DCC: variants seen among roughly 807,000 people sequenced by gnomAD.
DCC encodes the protein DCC netrin 1 receptor.
A neutral mutation model predicts 172.5 loss-of-function variants in DCC; 58 were observed. The observed-to-expected ratio is 0.34, with a 90% CI of 0.27 to 0.42. The LOEUF (loss-of-function observed/expected upper bound fraction) is 0.42, where lower values mean the gene tolerates loss of function less well. Ranked by LOEUF, DCC falls within the 10% of genes least tolerant of loss-of-function variation. The pLI, the probability that DCC is intolerant of heterozygous loss-of-function variation, is 1.00. For missense variants in DCC, 1,740 were observed against 1,791.0 expected, an observed-to-expected ratio of 0.97 and a Z score of 0.51; for synonymous variants, 709 against 644.5, an observed-to-expected ratio of 1.10 and a Z score of -1.52.
intron 14 of DCC, among the ~76,000 whole-genome samples, chr18:53,331,322 C>T (rs2057527911): frequency 1.3e-5 from 2 of 152,192 alleles, no homozygotes; most frequent in Admixed American, 6.5e-5. Flanking sequence ...TAGCATACCA[C>T]TTGGCAAGGA....
At chr18:52,782,880 A>G (rs1359394928) in intron 2 of DCC, among the ~76,000 whole-genome samples, 1 of 152,030 alleles carries the variant, frequency 6.6e-6, no homozygotes, top group Non-Finnish European at 1.5e-5. Flanking sequence ...AAAATCTGAC[A>G]CTCTACCTAG....
At chr18:52,756,022 G>T (rs1380827728) in intron 2 of DCC, among the ~76,000 whole-genome samples, 1 of 152,192 alleles carries the variant, frequency 6.6e-6, no homozygotes, top group Non-Finnish European at 1.5e-5. Context: ...TTTCTTAAAA[G>T]TTGCAAAGTA....
chr18:52,796,610 A>T (rs113760958), intron 2 of DCC, among the ~76,000 whole-genome samples: 6,562 of 152,178 alleles, frequency 0.043, 219 homozygotes, highest in South Asian at 0.16. Flanking sequence ...GCTAAAAGGT[A>T]CTTGTTTTAT....
chr18:52,709,213 G>A (rs1055128430), intron 1 of DCC, among the ~76,000 whole-genome samples: 1 of 152,002 alleles, frequency 6.6e-6, no homozygotes. Flanking sequence ...ATATATGCTG[G>A]GACTATTAAA....
rs377308701 is a variant in DCC, at chr18:52,504,276, C to T, written c.91+163398C>T. ...TTGACAGATGTATTCTCTGGTTCTA[C>T]TTTTAGCATCATGGAGGCCTTGAGT... On this transcript the variant is annotated intron_variant, in intron 1 of 28. Coordinates refer to ENST00000442544, the MANE Select transcript of DCC (RefSeq NM_005215.4). 1.2e-4 allele frequency among the ~76,000 whole-genome samples: 19 copies of T among 152,264 alleles called. No homozygotes were observed. In the East Asian group the frequency reaches 2.5e-3, roughly 20 times the overall value.
intron 9 of DCC, among the ~76,000 whole-genome samples, chr18:53,195,945 A>G (rs779497292): frequency 5.9e-5 from 9 of 152,198 alleles, no homozygotes; most frequent in Non-Finnish European, 1.3e-4. Flanking sequence ...AATTTCTAAT[A>G]AAAGTTCATA....
At chr18:53,437,040 C>T (rs1030626411) in intron 22 of DCC, among the ~76,000 whole-genome samples, 2 of 152,194 alleles carry the variant, frequency 1.3e-5, no homozygotes, top group Non-Finnish European at 2.9e-5. Flanking sequence ...GCCTCCACCT[C>T]TTAATGCCTC....
chr18:52,936,450 C>G lies in DCC; in HGVS notation c.985+11080C>G, dbSNP rs529477907. On this transcript the variant is annotated intron_variant, in intron 5 of 28. Coordinates refer to ENST00000442544, the MANE Select transcript of DCC (RefSeq NM_005215.4). Reference sequence around the variant, plus strand: ...GAGAGTCTACTGTGTGCTGGGCCCTCCCTTTCCTTTCTCCCTTCCACTGGA... The same window carrying G: ...GAGAGTCTACTGTGTGCTGGGCCCTGCCTTTCCTTTCTCCCTTCCACTGGA... Among the ~76,000 whole-genome samples, 22 of 121,400 alleles carry G rather than the reference C, an allele frequency of 1.8e-4. 4 individuals are homozygous for G. In the East Asian group the frequency reaches 3.6e-3, roughly 20 times the overall value. The allele number at this position is 121,400 out of a possible 152,430, so 79.6% of individuals were successfully genotyped here. A position where few individuals can be genotyped will look rare whatever the true frequency, so the allele number is the denominator to read the frequency against.
intron 2 of DCC, among the ~76,000 whole-genome samples, chr18:52,843,079 C>T (rs1364238527): frequency 6.6e-6 from 1 of 152,154 alleles, no homozygotes; most frequent in African/African-American, 2.4e-5. Context: ...ATAAATGTTA[C>T]AGCCTTTACT....
chr18:52,901,517 T>C (rs968062909), intron 2 of DCC, among the ~76,000 whole-genome samples: 4 of 152,062 alleles, frequency 2.6e-5, no homozygotes, highest in Non-Finnish European at 5.9e-5. Flanking sequence ...ATCTAGAAAG[T>C]GGAGATAATA....
At chr18:52,828,012 A>G (rs2038542924) in intron 2 of DCC, among the ~76,000 whole-genome samples, 1 of 152,006 alleles carries the variant, frequency 6.6e-6, no homozygotes, top group South Asian at 2.1e-4. Flanking sequence ...TCCACTTTAC[A>G]CAGAGGTCAC....
chr18:53,247,420 T>A (rs1369765896), intron 12 of DCC, among the ~76,000 whole-genome samples: 1 of 152,026 alleles, frequency 6.6e-6, no homozygotes, highest in Non-Finnish European at 1.5e-5. Flanking sequence ...TATATGTGCT[T>A]ATAAATAGTG....
chr18:52,885,857 T>C (rs2039562412), intron 2 of DCC, among the ~76,000 whole-genome samples: 1 of 152,042 alleles, frequency 6.6e-6, no homozygotes, highest in African/African-American at 2.4e-5. Flanking sequence ...TTAAGGGCTC[T>C]TTAGTCAGCA....
chr18:52,960,977 C>T (rs1031881346), intron 5 of DCC, among the ~76,000 whole-genome samples: 6 of 152,102 alleles, frequency 3.9e-5, no homozygotes, highest in Non-Finnish European at 8.8e-5. Flanking sequence ...TCATTGCTTC[C>T]TATAATCAGG....
intron 25 of DCC, among the ~76,000 whole-genome samples, chr18:53,469,884 T>A (rs1023154299): frequency 6.6e-6 from 1 of 152,194 alleles, no homozygotes; most frequent in African/African-American, 2.4e-5. Context: ...AGGTTGTCAA[T>A]AATCTCCACA....
chr18:52,923,650 C>A (rs894155313), intron 3 of DCC, 57 bp from the exon 4 acceptor site: 3 of 1,331,774 alleles, frequency 2.3e-6, no homozygotes, highest in Non-Finnish European at 2.2e-6. Flanking sequence ...CAAAATATAT[C>A]ATTTATCTTT....
chr18:53,389,190 A>G (rs997807454), intron 16 of DCC, among the ~76,000 whole-genome samples: 28 of 152,188 alleles, frequency 1.8e-4, no homozygotes, highest in Admixed American at 1.8e-3. Flanking sequence ...TTTGGAGGCT[A>G]TATTTTGTCT....
At chr18:53,150,733 G>A (rs1179171810) in intron 7 of DCC, among the ~76,000 whole-genome samples, 2 of 152,202 alleles carry the variant, frequency 1.3e-5, no homozygotes, top group Non-Finnish European at 2.9e-5. Flanking sequence ...AGCTGAGTTT[G>A]CAGCACACAA....
chr18:52,381,327 C>T (rs1407845777), intron 1 of DCC, among the ~76,000 whole-genome samples: 2 of 152,026 alleles, frequency 1.3e-5, no homozygotes, highest in African/African-American at 4.8e-5. Flanking sequence ...AAAGAAAGGA[C>T]AATTTTTTAG....
Sources: gnomAD v4.1 joint callset for allele counts (sites outside exome capture counted in the v4.1 genomes callset) on GRCh38, gnomAD v4.1.1 for gene constraint, MANE v1.5 for transcripts, NCBI Gene and HGNC (gene_info 2026-07-23, HGNC 2026-07-21) for gene names.